Variants in SUFU observed in about 807,000 individuals in gnomAD.
SUFU encodes suppressor of fused homolog.
Under a neutral mutation model 58.9 loss-of-function variants are expected in SUFU, and 7 were observed. The ratio of observed to expected loss-of-function variants is 0.12; its 90% CI spans 0.07 to 0.22. The LOEUF is 0.22. Among genes scored for constraint, SUFU ranks in the 10% least tolerant of loss-of-function variants. SUFU has a pLI of 1.00. For synonymous variants in SUFU, 232 were observed against 254.8 expected (o/e 0.91, Z 0.85); for missense variants, 451 against 641.3 (o/e 0.70, Z 3.20).
intron 3 of SUFU, chr10:102,573,262 T>C: frequency 1.5e-6 from 1 of 651,916 alleles, no homozygotes; most frequent in Non-Finnish European, 2.8e-6. Context: ...TAACACAAAA[T>C]CATCTACTTT....
intron 2 of SUFU, among the ~76,000 whole-genome samples, chr10:102,525,337 C>T (rs538089026): frequency 2.7e-5 from 4 of 149,790 alleles, no homozygotes; most frequent in East Asian, 2.0e-4. Flanking sequence ...CTCAAACTCC[C>T]GGCCTTAAGT....
intron 8 of SUFU, among the ~76,000 whole-genome samples, chr10:102,610,259 G>C (rs773763294): frequency 6.6e-6 from 1 of 151,754 alleles, no homozygotes; most frequent in African/African-American, 2.4e-5. Flanking sequence ...CAGGTGTGGT[G>C]GTGGGCACCT....
At chr10:102,598,719 A>G (rs1184135353) in intron 7 of SUFU, among the ~76,000 whole-genome samples, 1 of 152,232 alleles carries the variant, frequency 6.6e-6, no homozygotes, top group Non-Finnish European at 1.5e-5. Flanking sequence ...CTCTTTGAGC[A>G]ACTAATTTTA....
intron 2 of SUFU, among the ~76,000 whole-genome samples, chr10:102,510,488 G>T (rs1176772422): frequency 1.9e-3 from 1 of 518 alleles, no homozygotes. Context: ...GATTACAGGC[G>T]TGACGACTGT....
chr10:102,516,857 C>G (rs977129590), intron 2 of SUFU, among the ~76,000 whole-genome samples: 2 of 151,942 alleles, frequency 1.3e-5, no homozygotes, highest in African/African-American at 2.4e-5. Context: ...GGCATGGTGG[C>G]TCACATCTGT....
intron 10 of SUFU, chr10:102,618,946 G>GTGTA (rs1483678865): frequency 1.2e-5 from 8 of 694,688 alleles, no homozygotes; most frequent in Non-Finnish European, 1.8e-5. Flanking sequence ...GTGTGTGTGT[G>GTGTA]TGTGTGTGTG....
intron 8 of SUFU, among the ~76,000 whole-genome samples, chr10:102,614,724 A>G (rs557966695): frequency 3.3e-5 from 5 of 151,376 alleles, no homozygotes; most frequent in Admixed American, 6.6e-5. Context: ...AAAAAGACAA[A>G]AATTAGCTGG....
At chr10:102,559,013 G>C (rs543315795) in intron 3 of SUFU, among the ~76,000 whole-genome samples, 1 of 152,294 alleles carries the variant, frequency 6.6e-6, no homozygotes, top group Admixed American at 6.5e-5. Context: ...TGTTCTCAAG[G>C]ACCTGAGTTG....
chr10:102,515,713 CCCT>C (rs2135643847), intron 2 of SUFU, among the ~76,000 whole-genome samples: 1 of 152,228 alleles, frequency 6.6e-6, no homozygotes, highest in Non-Finnish European at 1.5e-5. Flanking sequence ...TGGACCTTTG[CCCT>C]CCTCCTAGAG....
chr10:102,572,578 T>C (rs922567854), intron 3 of SUFU, among the ~76,000 whole-genome samples: 6 of 151,902 alleles, frequency 3.9e-5, no homozygotes, highest in Non-Finnish European at 8.8e-5. Flanking sequence ...TTAGTACAGA[T>C]GGGGTTTTGC....
intron 3 of SUFU, among the ~76,000 whole-genome samples, chr10:102,570,470 T>C (rs1031479467): frequency 3.9e-5 from 6 of 152,174 alleles, no homozygotes; most frequent in Non-Finnish European, 8.8e-5. Context: ...CTCGAACTCC[T>C]GACTTTGTGA....
intron 3 of SUFU, among the ~76,000 whole-genome samples, chr10:102,552,044 G>A (rs1016032245): frequency 6.6e-6 from 1 of 152,002 alleles, no homozygotes; most frequent in African/African-American, 2.4e-5. Flanking sequence ...ACCTTCTTAT[G>A]TGTTGCAGTG....
chr10:102,532,679 C>T (rs2062689784), intron 2 of SUFU, among the ~76,000 whole-genome samples: 1 of 152,160 alleles, frequency 6.6e-6, no homozygotes, highest in Admixed American at 6.5e-5. Flanking sequence ...TGAAGATGAG[C>T]AGAGGGCAAA....
At chr10:102,577,049 G>A (rs1233904102) in intron 3 of SUFU, among the ~76,000 whole-genome samples, 1 of 151,626 alleles carries the variant, frequency 6.6e-6, no homozygotes, top group East Asian at 1.9e-4. Flanking sequence ...GGAAGAAGAT[G>A]GGAGGAGTAG....
At chr10:102,604,503 G>A (rs2063543723) in intron 8 of SUFU, among the ~76,000 whole-genome samples, 1 of 152,152 alleles carries the variant, frequency 6.6e-6, no homozygotes, top group Non-Finnish European at 1.5e-5. Flanking sequence ...CAGTCCAAAC[G>A]CTGCATCCCC....
rs1303103129 is a variant in SUFU at position 102,568,929 on chromosome 10, T to C, written c.454+18823T>C. 2.5e-3 allele frequency among the ~76,000 whole-genome samples: 82 copies of C among 32,834 alleles called. 3 individuals are homozygous for C. The highest frequency in any genetic ancestry group is 8.1e-3 in the African/African-American group (73 of 9,014). 21.5% of individuals were successfully genotyped at this position (32,834 alleles called of 152,430 possible). A position where few individuals can be genotyped will look rare whatever the true frequency, so the allele number is the denominator to read the frequency against. On this transcript the variant is annotated intron_variant, in intron 3 of 11. Coordinates refer to ENST00000369902, the MANE Select transcript of SUFU (RefSeq NM_016169.4). The stretch of plus-strand genomic sequence containing the variant: ...ATATATATATATATATACACATATA[T>C]ATATATATATATATATATATATATA...
chr10:102,535,213 G>A (rs1029664462), intron 2 of SUFU, among the ~76,000 whole-genome samples: 3 of 152,122 alleles, frequency 2.0e-5, no homozygotes, highest in African/African-American at 7.2e-5. Context: ...AGGGCCGGGC[G>A]CGGTGGCTCA....
intron 6 of SUFU, 106 bp from the exon 7 acceptor site, chr10:102,597,034 A>T: frequency 7.3e-7 from 1 of 1,362,834 alleles, no homozygotes; most frequent in Admixed American, 1.7e-5. Flanking sequence ...CATGCTCAGC[A>T]CCACAAGGGC....
intron 10 of SUFU, among the ~76,000 whole-genome samples, chr10:102,623,862 C>T (rs932982024): frequency 3.3e-5 from 5 of 152,150 alleles, no homozygotes; most frequent in Non-Finnish European, 7.3e-5. Context: ...ATCGCTTGAA[C>T]CCAGGAGGCG....
Sources: gnomAD v4.1 joint callset for allele counts (sites outside exome capture counted in the v4.1 genomes callset) on GRCh38, gnomAD v4.1.1 for gene constraint, MANE v1.5 for transcripts, NCBI Gene and HGNC (gene_info 2026-07-23, HGNC 2026-07-21) for gene names.